GRIN2A: variants seen among roughly 807,000 people sequenced by gnomAD.
GRIN2A encodes the protein glutamate receptor ionotropic, NMDA 2A.
Under a neutral mutation model 113.4 loss-of-function variants are expected in GRIN2A, and 22 were observed. That is an observed-to-expected ratio of 0.19 (90% confidence interval 0.14 to 0.28). The LOEUF (loss-of-function observed/expected upper bound fraction) is 0.28. GRIN2A is among the 10% of genes least tolerant of loss of function. The pLI, the probability that GRIN2A is intolerant of heterozygous loss-of-function variation, is 1.00. For missense variants in GRIN2A, 1,502 were observed against 1,887.0 expected, an observed-to-expected ratio of 0.80 and a Z score of 3.78; for synonymous variants, 827 against 738.4, an observed-to-expected ratio of 1.12 and a Z score of -1.94.
At chr16:9,981,129 A>G (rs1156316822) in intron 2 of GRIN2A, among the ~76,000 whole-genome samples, 3 of 152,176 alleles carry the variant, frequency 2.0e-5, no homozygotes, top group Non-Finnish European at 4.4e-5. Flanking sequence ...CTAAAGAACT[A>G]CAAGACAGGA....
At chr16:9,846,712 G>A (rs532854200) in intron 5 of GRIN2A, among the ~76,000 whole-genome samples, 1 of 152,272 alleles carries the variant, frequency 6.6e-6, no homozygotes, top group South Asian at 2.1e-4. Flanking sequence ...ATACACCCAG[G>A]TACTGTGGAA....
chr16:9,818,498 A>G (rs1050769709), intron 10 of GRIN2A, among the ~76,000 whole-genome samples: 1 of 152,168 alleles, frequency 6.6e-6, no homozygotes. Flanking sequence ...CATGGAAAAA[A>G]AAAAGCAAGC....
intron 3 of GRIN2A, among the ~76,000 whole-genome samples, chr16:9,915,798 GT>G (rs1281012368): frequency 2.0e-5 from 3 of 152,118 alleles, no homozygotes; most frequent in Admixed American, 6.6e-5. Context: ...TTGAGCCTCC[GT>G]TTTTTCATCT....
chr16:10,036,437 CTTTTTTTTTTTCTTTTTT>C (rs2047027861), intron 2 of GRIN2A, among the ~76,000 whole-genome samples: 1 of 92,672 alleles, frequency 1.1e-5, no homozygotes, highest in East Asian at 2.4e-4. Context: ...TTAGTACTTA[CTTTTTTTTTTTCTTTTTT>C]TTTTTTTTTT....
chr16:9,804,630 C>T (rs903203813), intron 10 of GRIN2A, among the ~76,000 whole-genome samples: 2 of 152,034 alleles, frequency 1.3e-5, no homozygotes, highest in African/African-American at 2.4e-5. Context: ...TTTCTGCCTC[C>T]ACTCCCTATA....
intron 2 of GRIN2A, among the ~76,000 whole-genome samples, chr16:10,093,887 T>C (rs1053792979): frequency 6.6e-6 from 1 of 152,210 alleles, no homozygotes; most frequent in African/African-American, 2.4e-5. Context: ...TGGGAAACTC[T>C]GCCCAAGACA....
At chr16:10,148,422 TAA>T (rs1233423167) in intron 2 of GRIN2A, among the ~76,000 whole-genome samples, 1 of 152,160 alleles carries the variant, frequency 6.6e-6, no homozygotes, top group African/African-American at 2.4e-5. Context: ...TTACCAAATA[TAA>T]AAGAGTGGAG....
chr16:10,139,564 G>A (rs1271127905), intron 2 of GRIN2A, among the ~76,000 whole-genome samples: 3 of 152,158 alleles, frequency 2.0e-5, no homozygotes, highest in Non-Finnish European at 4.4e-5. Flanking sequence ...CACACTTAGA[G>A]TAGTAAGGCC....
intron 3 of GRIN2A, among the ~76,000 whole-genome samples, chr16:9,914,679 C>T (rs1304596369): frequency 2.0e-5 from 3 of 152,068 alleles, no homozygotes; most frequent in Admixed American, 1.3e-4. Flanking sequence ...GCTCCCAGAC[C>T]CAAAGCTGAG....
At chr16:9,772,048 T>A (rs1335145363) in intron 11 of GRIN2A, among the ~76,000 whole-genome samples, 1 of 152,038 alleles carries the variant, frequency 6.6e-6, no homozygotes, top group Non-Finnish European at 1.5e-5. Context: ...TTTAAAAAAA[T>A]AGGAAATCCA....
chr16:10,156,430 G>A (rs924355942), intron 2 of GRIN2A, among the ~76,000 whole-genome samples: 1 of 152,250 alleles, frequency 6.6e-6, no homozygotes, highest in African/African-American at 2.4e-5. Flanking sequence ...GACAGAGGCA[G>A]TGTGGCTATA....
intron 2 of GRIN2A, among the ~76,000 whole-genome samples, chr16:9,953,749 C>T (rs1299654911): frequency 1.3e-5 from 2 of 152,058 alleles, no homozygotes; most frequent in African/African-American, 4.8e-5. Flanking sequence ...AAGACGAAGG[C>T]AGGGGTGAAA....
chr16:9,987,119 T>C (rs1043675726), intron 2 of GRIN2A, among the ~76,000 whole-genome samples: 1 of 152,152 alleles, frequency 6.6e-6, no homozygotes, highest in Non-Finnish European at 1.5e-5. Flanking sequence ...ACTGAGCACA[T>C]AATTTGATAC....
chr16:10,130,169 C>A (rs1318188250), intron 2 of GRIN2A, among the ~76,000 whole-genome samples: 1 of 152,154 alleles, frequency 6.6e-6, no homozygotes, highest in African/African-American at 2.4e-5. Flanking sequence ...GGTTACATGG[C>A]TGGGAAATGA....
intron 2 of GRIN2A, among the ~76,000 whole-genome samples, chr16:10,033,342 T>C (rs2046964796): frequency 6.6e-6 from 1 of 152,060 alleles, no homozygotes; most frequent in Non-Finnish European, 1.5e-5. Flanking sequence ...GATACCAAGG[T>C]AAACCCAGGA....
intron 2 of GRIN2A, among the ~76,000 whole-genome samples, chr16:10,167,294 C>G (rs2049945543): frequency 6.6e-6 from 1 of 152,168 alleles, no homozygotes; most frequent in Non-Finnish European, 1.5e-5. Flanking sequence ...CCAACTCCCC[C>G]CAAAATCACC....
chr16:10,021,594 A>T (rs576954054), intron 2 of GRIN2A, among the ~76,000 whole-genome samples: 7 of 152,314 alleles, frequency 4.6e-5, no homozygotes, highest in African/African-American at 1.7e-4. Context: ...GAGGGGATTG[A>T]CAGGAGCGGA....
chr16:10,119,188 A>AAG (rs1251472959), intron 2 of GRIN2A, among the ~76,000 whole-genome samples: 3 of 152,176 alleles, frequency 2.0e-5, no homozygotes, highest in Non-Finnish European at 4.4e-5. Context: ...AGGGAAAAAA[A>AAG]GCCCATTGGC....
At chr16:9,831,699 A>T (rs2042499365) in intron 8 of GRIN2A, among the ~76,000 whole-genome samples, 1 of 151,854 alleles carries the variant, frequency 6.6e-6, no homozygotes, top group South Asian at 2.1e-4. Flanking sequence ...TATTTTTAGT[A>T]GGGATGCGGT....
Sources: gnomAD v4.1 joint callset for allele counts (sites outside exome capture counted in the v4.1 genomes callset) on GRCh38, gnomAD v4.1.1 for gene constraint, MANE v1.5 for transcripts, NCBI Gene and HGNC (gene_info 2026-07-23, HGNC 2026-07-21) for gene names.